Variants in RCN3 observed in about 807,000 individuals in gnomAD.
The protein encoded by RCN3 is reticulocalbin-3.
RCN3 carries 41 observed loss-of-function variants against 35.9 expected under a neutral mutation model. The ratio of observed to expected loss-of-function variants is 1.14; its 90% CI spans 0.89 to 1.48. The LOEUF is 1.48. RCN3 is among the 40% of genes most tolerant of loss of function. The probability of loss-of-function intolerance (pLI) is 0.00; values close to 1 mark genes in which losing one functional copy is unlikely to be tolerated. For synonymous variants in RCN3, 187 were observed against 193.4 expected (o/e 0.97, Z 0.27); for missense variants, 451 against 471.3 (o/e 0.96, Z 0.40).
chr19:49,528,772 G>C (rs978801991), intron 2 of RCN3, 58 bp downstream of exon 2: 1 of 1,460,282 alleles, frequency 6.8e-7, no homozygotes, highest in East Asian at 2.6e-5. Flanking sequence ...GAGAGACGCG[G>C]GGGTATCGAC....
intron 4 of RCN3, 120 bp from the exon 5 acceptor site, chr19:49,538,999 C>A: frequency 1.6e-6 from 1 of 636,114 alleles, no homozygotes; most frequent in Non-Finnish European, 2.7e-6. Flanking sequence ...TACTGCCTGC[C>A]TCCCACAGCT....
intron 5 of RCN3, 62 bp downstream of exon 5, chr19:49,539,241 TG>T: frequency 7.1e-7 from 1 of 1,408,726 alleles, no homozygotes; most frequent in Non-Finnish European, 9.9e-7. Context: ...GCAGGGTTGG[TG>T]GGGGTAGCCG....
intron 4 of RCN3, among the ~76,000 whole-genome samples, chr19:49,538,329 A>ATT (rs759783862): frequency 7.3e-6 from 1 of 137,410 alleles, no homozygotes. Context: ...TGCCCGGCTA[A>ATT]TTTTTTTTTT....
At position 49,528,388 on chromosome 19, in the gene RCN3, CCTCCACCCCGCCATT is replaced by C. The variant is rs2080091844; in HGVS notation, c.-6-74_-6-60del. 4.4e-5 allele frequency: 59 copies of C among 1,353,734 alleles called. No individual in the cohort carries two copies. In the South Asian group the frequency reaches 9.1e-4, roughly 21 times the overall value. The allele number at this position is 1,353,734 out of a possible 1,614,324, so 83.9% of individuals were successfully genotyped here. A position where few individuals can be genotyped will look rare whatever the true frequency, so the allele number is the denominator to read the frequency against. ...ACTCCCTGTCCTGTCCTAGGTAACC[CCTCCACCCCGCCATT>C]CTCCTATCCCGTGTCTGTCCCCATC... On this transcript the variant is annotated intron_variant, in intron 1 of 6. Transcript: ENST00000270645.
Position 49,534,319 on chromosome 19 carries a change from C to T in RCN3, c.369C>T (p.Asp123=), listed in dbSNP as rs1568709642. Residue 123 remains aspartate (D), a synonymous_variant, in exon 3 of 7, where the codon GAC becomes GAT. Coordinates refer to ENST00000270645, the MANE Select transcript of RCN3 (RefSeq NM_020650.3). ...HIRDSVSAAW[D]TYDTDRDGRV... The stretch of plus-strand genomic sequence containing the variant: ...GGGACTCGGTGAGCGCGGCCTGGGA[C>T]ACGTACGACACGGACCGCGACGGGC... The T allele has an allele frequency of 6.6e-7, 1 of 1,507,000 alleles. No homozygotes were observed. Among genetic ancestry groups the T allele is most frequent in the Non-Finnish European group, 8.9e-7 (1 of 1,129,882 alleles). The allele number at this position is 1,507,000 out of a possible 1,614,324, so 93.4% of individuals were successfully genotyped here.
chr19:49,530,488 C>CT (rs997752570), intron 2 of RCN3, among the ~76,000 whole-genome samples: 1 of 142,306 alleles, frequency 7.0e-6, no homozygotes, highest in Non-Finnish European at 1.5e-5. Context: ...GGTAATTTTT[C>CT]TTTTTTTTCT....
chr19:49,534,665 G>A (rs759456228), intron 3 of RCN3, among the ~76,000 whole-genome samples: 1 of 152,040 alleles, frequency 6.6e-6, no homozygotes, highest in Non-Finnish European at 1.5e-5. Context: ...GGTGCTAAAA[G>A]CCACTGAACG....
At chr19:49,541,001 G>A (rs1461766211) in intron 5 of RCN3, among the ~76,000 whole-genome samples, 2 of 151,726 alleles carry the variant, frequency 1.3e-5, no homozygotes, top group Non-Finnish European at 2.9e-5. Context: ...CATGATCTCG[G>A]CTCACTGCAA....
intron 4 of RCN3, among the ~76,000 whole-genome samples, chr19:49,538,329 A>ATTT: frequency 7.3e-6 from 1 of 137,412 alleles, no homozygotes; most frequent in Non-Finnish European, 1.6e-5. Context: ...TGCCCGGCTA[A>ATTT]TTTTTTTTTT....
At chr19:49,531,020 G>C (rs1202437075) in intron 2 of RCN3, among the ~76,000 whole-genome samples, 2 of 152,190 alleles carry the variant, frequency 1.3e-5, no homozygotes, top group Non-Finnish European at 2.9e-5. Flanking sequence ...GGTGAGGGCA[G>C]AGAAGGAGCA....
intron 2 of RCN3, among the ~76,000 whole-genome samples, chr19:49,529,095 C>G (rs980732647): frequency 2.0e-5 from 3 of 152,078 alleles, no homozygotes; most frequent in African/African-American, 7.2e-5. Flanking sequence ...GCAGGAGAAT[C>G]GCTTGAACCT....
intron 3 of RCN3, among the ~76,000 whole-genome samples, chr19:49,536,607 A>ATTT (rs1164558496): frequency 8.1e-6 from 1 of 123,494 alleles, no homozygotes; most frequent in Non-Finnish European, 1.7e-5. Flanking sequence ...GGCTTCTAAA[A>ATTT]TTTTTTTTTT....
chr19:49,531,597 T>C (rs1439037105), intron 2 of RCN3, among the ~76,000 whole-genome samples: 2 of 152,100 alleles, frequency 1.3e-5, no homozygotes, highest in African/African-American at 4.8e-5. Flanking sequence ...GCGACTGCGA[T>C]AGTCCAGGTG....
chr19:49,534,048 A>G (rs2080121863), intron 2 of RCN3, 145 bp from the exon 3 acceptor site: 1 of 832,024 alleles, frequency 1.2e-6, no homozygotes, highest in South Asian at 2.0e-5. Context: ...CCCGAAATTG[A>G]CCCGCGCCCC....
chr19:49,538,323 C>T (rs1295987125), intron 4 of RCN3, among the ~76,000 whole-genome samples: 3 of 150,358 alleles, frequency 2.0e-5, no homozygotes, highest in Non-Finnish European at 4.4e-5. Context: ...CCGCCATGCC[C>T]GGCTAATTTT....
chr19:49,542,330 C>T (rs1317446960), intron 5 of RCN3, among the ~76,000 whole-genome samples: 1 of 152,216 alleles, frequency 6.6e-6, no homozygotes, highest in Non-Finnish European at 1.5e-5. Flanking sequence ...ATCAATCATG[C>T]AATCAACCAA....
At chr19:49,529,334 A>G (rs969445349) in intron 2 of RCN3, among the ~76,000 whole-genome samples, 6 of 152,218 alleles carry the variant, frequency 3.9e-5, no homozygotes, top group African/African-American at 1.4e-4. Context: ...ACTGGTGTGG[A>G]AAATGAGGTT....
chr19:49,542,253 C>T (rs1315960251), intron 5 of RCN3, among the ~76,000 whole-genome samples: 1 of 152,144 alleles, frequency 6.6e-6, no homozygotes, highest in East Asian at 1.9e-4. Flanking sequence ...ATAGACATTG[C>T]TTACTATGTG....
Position 49,543,227 on chromosome 19 carries a change from G to T in RCN3, c.*14G>T, listed in dbSNP as rs1341515498. The T allele has an allele frequency of 8.1e-6, 13 of 1,599,154 alleles. No homozygotes were observed. The highest frequency in any genetic ancestry group is 1.1e-5 in the Non-Finnish European group (13 of 1,168,084). On this transcript the variant is annotated 3_prime_UTR_variant, in exon 7 of 7. Coordinates refer to ENST00000270645, the MANE Select transcript of RCN3 (RefSeq NM_020650.3). ...GATGAGCTGTGAGCACCGCGCACCTGCCACAGCCTCAGAGGCCCGCACAAT... is the reference window on the plus strand; with the variant it reads ...GATGAGCTGTGAGCACCGCGCACCTTCCACAGCCTCAGAGGCCCGCACAAT...
Sources: gnomAD v4.1 joint callset for allele counts (sites outside exome capture counted in the v4.1 genomes callset) on GRCh38, gnomAD v4.1.1 for gene constraint, MANE v1.5 for transcripts, NCBI Gene and HGNC (gene_info 2026-07-23, HGNC 2026-07-21) for gene names.